Variants in ST6GALNAC3 observed in about 807,000 individuals in gnomAD.
ST6GALNAC3 encodes the protein alpha-N-acetylgalactosaminide alpha-2,6-sialyltransferase 3.
In ST6GALNAC3, 25 loss-of-function variants were observed where a neutral mutation model predicts 32.7. The ratio of observed to expected loss-of-function variants is 0.76; its 90% CI spans 0.56 to 1.07. The LOEUF (loss-of-function observed/expected upper bound fraction) is 1.07. Among genes scored for constraint, ST6GALNAC3 ranks in the 50% least tolerant of loss-of-function variants. ST6GALNAC3 has a pLI of 0.00. For synonymous variants in ST6GALNAC3, 129 were observed against 133.1 expected (o/e 0.97, Z 0.21); for missense variants, 355 against 382.4 (o/e 0.93, Z 0.60).
chr1:76,558,731 A>C (rs1021668648), intron 3 of ST6GALNAC3, among the ~76,000 whole-genome samples: 6 of 152,176 alleles, frequency 3.9e-5, no homozygotes. Flanking sequence ...CTGCACATGT[A>C]CCCGTAAACC....
At position 76,250,841 on chromosome 1, in the gene ST6GALNAC3, A is replaced by G. The variant is rs151130517; in HGVS notation, c.19-62964A>G. On this transcript the variant is annotated intron_variant, in intron 1 of 4. Coordinates refer to ENST00000328299, the MANE Select transcript of ST6GALNAC3 (RefSeq NM_152996.4). Reference sequence around the variant, plus strand: ...CAATAATTTGCTAATAATGTAATCTATTTTCTGTTCACTCCTTGACTTAGC... The same window carrying G: ...CAATAATTTGCTAATAATGTAATCTGTTTTCTGTTCACTCCTTGACTTAGC... Among the ~76,000 whole-genome samples the G allele has an allele frequency of 6.6e-5, 10 of 152,174 alleles. No homozygotes were observed. In the East Asian group the frequency reaches 1.9e-3, roughly 29 times the overall value.
intron 3 of ST6GALNAC3, among the ~76,000 whole-genome samples, chr1:76,481,679 C>G (rs1659732564): frequency 6.6e-6 from 1 of 152,132 alleles, no homozygotes. Context: ...TGTGTTCTTT[C>G]TCCTATTTGA....
intron 1 of ST6GALNAC3, among the ~76,000 whole-genome samples, chr1:76,291,656 T>A (rs1441599658): frequency 6.6e-6 from 1 of 152,196 alleles, no homozygotes; most frequent in African/African-American, 2.4e-5. Flanking sequence ...CTGGGATTGG[T>A]TAGTGTAGAG....
rs150866878 is a variant in ST6GALNAC3, at chr1:76,254,357, G to C, written c.19-59448G>C. 5.4e-3 allele frequency among the ~76,000 whole-genome samples: 828 copies of C among 152,206 alleles called. 5 individuals are homozygous for C. Among genetic ancestry groups the C allele is most frequent in the Non-Finnish European group, 8.5e-3 (581 of 67,970 alleles). On this transcript the variant is annotated intron_variant, in intron 1 of 4. Transcript: ENST00000328299. ...TAGTGACTCACCCTTCATCAGGATGGAAAAACTGTCTCATGCCGTGTTTTT... is the reference window on the plus strand; with the variant it reads ...TAGTGACTCACCCTTCATCAGGATGCAAAAACTGTCTCATGCCGTGTTTTT...
chr1:76,585,243 G>A (rs568598467), intron 3 of ST6GALNAC3, among the ~76,000 whole-genome samples: 7 of 152,026 alleles, frequency 4.6e-5, no homozygotes, highest in Admixed American at 2.0e-4. Flanking sequence ...AAAATCAGCC[G>A]GGCATGGTGG....
chr1:76,417,705 TTAAG>T (rs1654741824), intron 3 of ST6GALNAC3, among the ~76,000 whole-genome samples: 2 of 152,162 alleles, frequency 1.3e-5, no homozygotes, highest in Non-Finnish European at 2.9e-5. Flanking sequence ...CATTATTTAA[TTAAG>T]TAATAATTGA....
chr1:76,321,793 C>G (rs985949798), intron 2 of ST6GALNAC3, among the ~76,000 whole-genome samples: 2 of 152,158 alleles, frequency 1.3e-5, no homozygotes, highest in African/African-American at 4.8e-5. Flanking sequence ...CAGAAAATGG[C>G]TGGACAAGAC....
chr1:76,598,243 C>T (rs1336890830), intron 3 of ST6GALNAC3, among the ~76,000 whole-genome samples: 1 of 152,084 alleles, frequency 6.6e-6, no homozygotes, highest in Admixed American at 6.5e-5. Context: ...ACCATCACGA[C>T]AACATATGAA....
rs1033889696 is a variant in ST6GALNAC3 at position 76,512,340 on chromosome 1, T to C, written c.623+99923T>C. Among the ~76,000 whole-genome samples the C allele has an allele frequency of 4.6e-5, 7 of 152,164 alleles. No homozygotes were observed. In the East Asian group the frequency reaches 1.3e-3, roughly 29 times the overall value. Reference sequence around the variant, plus strand: ...CATGTATGCATCCATGCATACACCATGTATTTATGTGTTGTTTTTTGTTGC... The same window carrying C: ...CATGTATGCATCCATGCATACACCACGTATTTATGTGTTGTTTTTTGTTGC... On this transcript the variant is annotated intron_variant, in intron 3 of 4. Coordinates refer to ENST00000328299, the MANE Select transcript of ST6GALNAC3 (RefSeq NM_152996.4).
intron 3 of ST6GALNAC3, among the ~76,000 whole-genome samples, chr1:76,434,068 C>T (rs769321884): frequency 3.3e-5 from 5 of 152,248 alleles, no homozygotes; most frequent in South Asian, 2.1e-4. Context: ...CAGAAGGCTT[C>T]GAAAAGCAAA....
intron 3 of ST6GALNAC3, among the ~76,000 whole-genome samples, chr1:76,457,703 C>A (rs1390173694): frequency 6.6e-6 from 1 of 152,060 alleles, no homozygotes; most frequent in Non-Finnish European, 1.5e-5. Flanking sequence ...GAAACTGGAT[C>A]CCTTCCTTAC....
chr1:76,220,023 C>G (rs1157310665), intron 1 of ST6GALNAC3, among the ~76,000 whole-genome samples: 2 of 152,132 alleles, frequency 1.3e-5, no homozygotes, highest in Non-Finnish European at 2.9e-5. Context: ...GTAGGCACCA[C>G]TTTTGCTTGA....
At chr1:76,161,898 C>T (rs958395769) in intron 1 of ST6GALNAC3, among the ~76,000 whole-genome samples, 5 of 152,188 alleles carry the variant, frequency 3.3e-5, no homozygotes, top group Admixed American at 2.6e-4. Flanking sequence ...ATTAGTGCTT[C>T]AGTCAAATAT....
Position 76,336,984 on chromosome 1 carries a change from G to A in ST6GALNAC3, c.213+22985G>A, listed in dbSNP as rs566409086. Among the ~76,000 whole-genome samples the A allele has an allele frequency of 5.3e-5, 8 of 152,298 alleles. No individual in the cohort carries two copies. In the East Asian group the frequency reaches 5.8e-4, roughly 11 times the overall value. ...GGACTTCCTCCAGATGACATATTGC[G>A]CTGCCAGAGTGGAGACAAGCGGGGC... is the stretch of plus-strand genomic sequence containing the variant. On this transcript the variant is annotated intron_variant, in intron 2 of 4. Coordinates refer to ENST00000328299, the MANE Select transcript of ST6GALNAC3 (RefSeq NM_152996.4).
chr1:76,154,857 A>G (rs976190263), intron 1 of ST6GALNAC3, among the ~76,000 whole-genome samples: 1 of 152,156 alleles, frequency 6.6e-6, no homozygotes. Flanking sequence ...GAGCGCTACC[A>G]TTTAACGAAA....
intron 1 of ST6GALNAC3, among the ~76,000 whole-genome samples, chr1:76,155,210 C>T (rs1273134379): frequency 6.6e-6 from 1 of 151,990 alleles, no homozygotes; most frequent in Non-Finnish European, 1.5e-5. Context: ...ATTTCCTGGA[C>T]CTTTGAACCT....
intron 1 of ST6GALNAC3, among the ~76,000 whole-genome samples, chr1:76,190,082 T>C (rs756942699): frequency 6.6e-6 from 1 of 152,174 alleles, no homozygotes; most frequent in Non-Finnish European, 1.5e-5. Flanking sequence ...CAACTCATTA[T>C]GTCTCGTTGG....
At chr1:76,474,559 C>A (rs1659229006) in intron 3 of ST6GALNAC3, among the ~76,000 whole-genome samples, 1 of 152,092 alleles carries the variant, frequency 6.6e-6, no homozygotes, top group African/African-American at 2.4e-5. Context: ...ACCACAACTT[C>A]TATGTAAAAC....
At chr1:76,217,059 T>TA in intron 1 of ST6GALNAC3, among the ~76,000 whole-genome samples, 1 of 152,350 alleles carries the variant, frequency 6.6e-6, no homozygotes, top group Non-Finnish European at 1.5e-5. Context: ...TTTAATTTCA[T>TA]ACATGATTAA....
Sources: allele counts gnomAD v4.1 joint callset (sites outside exome capture counted in the v4.1 genomes callset), GRCh38; gene constraint gnomAD v4.1.1; transcripts MANE v1.5; gene names NCBI Gene and HGNC (gene_info 2026-07-23, HGNC 2026-07-21).